ADGRB3: variants seen among roughly 807,000 people sequenced by gnomAD.
ADGRB3 encodes brain-specific angiogenesis inhibitor 3.
In ADGRB3, 37 loss-of-function variants were observed where a neutral mutation model predicts 193.4. The ratio of observed to expected loss-of-function variants is 0.19; its 90% confidence interval spans 0.15 to 0.25. The LOEUF (loss-of-function observed/expected upper bound fraction) is 0.25, where lower values mean the gene tolerates loss of function less well. ADGRB3 is among the 10% of genes least tolerant of loss of function. The pLI is 1.00. For missense variants in ADGRB3, 1,637 were observed against 1,852.9 expected (o/e 0.88, Z 2.14); for synonymous variants, 690 against 644.2 (o/e 1.07, Z -1.08).
intron 3 of ADGRB3, among the ~76,000 whole-genome samples, chr6:68,852,108 C>T (rs1351589206): frequency 2.0e-5 from 3 of 151,848 alleles, no homozygotes; most frequent in African/African-American, 7.2e-5. Context: ...CTCCCAAATA[C>T]ATTTACAATT....
intron 20 of ADGRB3, among the ~76,000 whole-genome samples, chr6:69,297,169 G>T (rs1767838787): frequency 6.6e-6 from 1 of 152,038 alleles, no homozygotes; most frequent in Non-Finnish European, 1.5e-5. Context: ...AGTGATAATG[G>T]AAGTCATGGT....
intron 30 of ADGRB3, among the ~76,000 whole-genome samples, chr6:69,381,192 C>G (rs1006456924): frequency 1.1e-4 from 16 of 151,872 alleles, no homozygotes; most frequent in Admixed American, 9.2e-4. Context: ...TGCAAATCCT[C>G]TCTCTCATAA....
At chr6:69,355,372 A>G (rs1222953070) in intron 27 of ADGRB3, among the ~76,000 whole-genome samples, 1 of 152,166 alleles carries the variant, frequency 6.6e-6, no homozygotes, top group African/African-American at 2.4e-5. Flanking sequence ...AGCCTAGTTT[A>G]ACCTAGTTTG....
chr6:69,274,705 G>A (rs1472587415), intron 20 of ADGRB3, among the ~76,000 whole-genome samples: 2 of 143,568 alleles, frequency 1.4e-5, no homozygotes, highest in African/African-American at 5.2e-5. Context: ...AAAACAGAAA[G>A]TTAAGTCTAG....
intron 3 of ADGRB3, among the ~76,000 whole-genome samples, chr6:68,652,444 C>G (rs901318672): frequency 2.6e-5 from 4 of 152,066 alleles, no homozygotes; most frequent in Non-Finnish European, 4.4e-5. Flanking sequence ...TCCTGAGGCC[C>G]CCTGTTGGAC....
At chr6:69,031,895 G>T (rs1006095730) in intron 13 of ADGRB3, among the ~76,000 whole-genome samples, 1 of 152,050 alleles carries the variant, frequency 6.6e-6, no homozygotes, top group African/African-American at 2.4e-5. Context: ...GCCTCCAAAA[G>T]TGTTGGGATT....
intron 20 of ADGRB3, among the ~76,000 whole-genome samples, chr6:69,253,543 A>G (rs1766674172): frequency 1.3e-5 from 2 of 152,102 alleles, no homozygotes; most frequent in African/African-American, 4.8e-5. Flanking sequence ...AGGACATCCC[A>G]AACTGCAGTG....
rs140789363 is a variant in ADGRB3 at position 68,958,972 on chromosome 6, G to A, written c.1525+2163G>A. Among the ~76,000 whole-genome samples, 366 of 150,958 alleles carry A rather than the reference G, an allele frequency of 2.4e-3. 1 individual carries two copies. The highest frequency in any genetic ancestry group is 8.6e-3 in the African/African-American group (353 of 41,194). On this transcript the variant is annotated intron_variant, in intron 8 of 31. Transcript: ENST00000370598. ...TGGTGCATTTATATAAACAAAAATT[G>A]CATTGTCCATCAGAAATTGTGTGTG...
At chr6:69,002,990 G>T (rs1769628325) in intron 11 of ADGRB3, among the ~76,000 whole-genome samples, 1 of 152,140 alleles carries the variant, frequency 6.6e-6, no homozygotes, top group Admixed American at 6.5e-5. Flanking sequence ...TCAAGATGTG[G>T]CTTTAACACT....
At chr6:68,734,181 TAC>T (rs1765830012) in intron 3 of ADGRB3, among the ~76,000 whole-genome samples, 1 of 151,952 alleles carries the variant, frequency 6.6e-6, no homozygotes, top group East Asian at 1.9e-4. Context: ...AATATTTTCA[TAC>T]TATAAATAAA....
chr6:69,134,762 A>G (rs929423356), intron 17 of ADGRB3, among the ~76,000 whole-genome samples: 10 of 151,724 alleles, frequency 6.6e-5, no homozygotes, highest in Admixed American at 1.3e-4. Context: ...GTGTGTGTGT[A>G]TATATATATA....
At chr6:68,857,805 T>A (rs968878511) in intron 3 of ADGRB3, among the ~76,000 whole-genome samples, 3 of 152,160 alleles carry the variant, frequency 2.0e-5, no homozygotes, top group African/African-American at 7.2e-5. Flanking sequence ...ATGATCTGAC[T>A]CTGTGTCCCC....
chr6:68,638,303 A>G (rs928417621), intron 2 of ADGRB3, among the ~76,000 whole-genome samples: 4 of 152,250 alleles, frequency 2.6e-5, no homozygotes, highest in Non-Finnish European at 5.9e-5. Context: ...TTCGACAATT[A>G]ACATTTACAT....
intron 3 of ADGRB3, among the ~76,000 whole-genome samples, chr6:68,678,370 G>A (rs747137966): frequency 5.9e-5 from 9 of 152,158 alleles, no homozygotes; most frequent in Non-Finnish European, 8.8e-5. Flanking sequence ...ATTTTCAAGT[G>A]AGAAAAAATA....
intron 21 of ADGRB3, among the ~76,000 whole-genome samples, chr6:69,326,167 T>C (rs1768563557): frequency 6.6e-6 from 1 of 152,104 alleles, no homozygotes; most frequent in South Asian, 2.1e-4. Context: ...TGCATGAGCC[T>C]GGGAAGTGGA....
At chr6:69,313,006 T>G (rs903234808) in intron 20 of ADGRB3, among the ~76,000 whole-genome samples, 1 of 151,858 alleles carries the variant, frequency 6.6e-6, no homozygotes, top group African/African-American at 2.4e-5. Context: ...ATTGTAGGTA[T>G]TTTTCATTCC....
intron 3 of ADGRB3, among the ~76,000 whole-genome samples, chr6:68,729,700 T>C (rs1765735732): frequency 1.3e-5 from 2 of 151,628 alleles, no homozygotes; most frequent in South Asian, 4.1e-4. Flanking sequence ...TTGTTGCAAT[T>C]ACTGTTGCTA....
chr6:68,722,369 C>T (rs576513076), intron 3 of ADGRB3, among the ~76,000 whole-genome samples: 1 of 151,632 alleles, frequency 6.6e-6, no homozygotes, highest in South Asian at 2.1e-4. Flanking sequence ...AGGAGAAATA[C>T]CTAATGTAGA....
intron 17 of ADGRB3, among the ~76,000 whole-genome samples, chr6:69,106,164 T>TAAAAAAAAAAAAAAAAAAAAAAAAAA (rs61114782): frequency 8.8e-5 from 8 of 91,090 alleles, no homozygotes; most frequent in East Asian, 5.0e-4. Flanking sequence ...GAGACTGCGT[T>TAAAAAAAAAAAAAAAAAAAAAAAAAA]AAAAAAAAAA....
Sources: gnomAD v4.1 joint callset for allele counts (sites outside exome capture counted in the v4.1 genomes callset) on GRCh38, gnomAD v4.1.1 for gene constraint, MANE v1.5 for transcripts, NCBI Gene and HGNC (gene_info 2026-07-23, HGNC 2026-07-21) for gene names.